Variants in USP35 observed in about 807,000 individuals in gnomAD.
USP35 encodes ubiquitin carboxyl-terminal hydrolase 35.
A neutral mutation model predicts 83.8 loss-of-function variants in USP35; 69 were observed. The observed-to-expected ratio is 0.82, with a 90% CI of 0.68 to 1.01. The LOEUF is 1.01. Ranked by LOEUF, USP35 falls within the 50% of genes least tolerant of loss-of-function variation. The pLI is 0.00. For synonymous variants in USP35, 714 were observed against 589.5 expected (o/e 1.21, Z -3.06); for missense variants, 1,503 against 1,362.5 (o/e 1.10, Z -1.62).
chr11:78,220,981 TAGCTCCTCC>T, the USP35 span, among the ~76,000 whole-genome samples: 1 of 152,196 alleles, frequency 6.6e-6, no homozygotes, highest in South Asian at 2.1e-4. Flanking sequence ...CTCCCCCGCC[TAGCTCCTCC>T]AAGATCTGAA....
rs768266853 is a variant in USP35 at position 78,199,694 on chromosome 11, G to A, written c.906G>A (p.Leu302=). The change falls in exon 4 of 11, where the codon TTG becomes TTA. Residue 302 remains leucine (L), a synonymous_variant. Coordinates refer to ENST00000529308, the MANE Select transcript of USP35 (RefSeq NM_020798.4). ...CTGCTGTTAAGAAGTTCAGCATCTT[G>A]ATCGAGGTTTCGCTCACCAAAATTG... The part of the protein sequence containing the change: ...GLAAVKKFSI[L]IEVSLTKIEK... The A allele has an allele frequency of 2.5e-6, 4 of 1,614,224 alleles. No homozygotes were observed. Among genetic ancestry groups the A allele is most frequent in the Non-Finnish European group, 3.4e-6 (4 of 1,180,030 alleles).
chr11:78,231,594 C>T, the USP35 span, among the ~76,000 whole-genome samples: 3 of 152,152 alleles, frequency 2.0e-5, no homozygotes, highest in Admixed American at 6.5e-5. Flanking sequence ...GTGGTCTGCC[C>T]GCCTCAGCCT....
Position 78,214,544 on chromosome 11 carries a change from T to C in USP35, c.*731T>C, listed in dbSNP as rs934788350. On this transcript the variant is annotated 3_prime_UTR_variant, in exon 11 of 11. Coordinates refer to ENST00000529308, the MANE Select transcript of USP35 (RefSeq NM_020798.4). ...ATGTTCCTTGTGAAGTGTGGGCTCT[T>C]AGGAAGCCTGTGGGCTCCTCTGAGC... is the stretch of plus-strand genomic sequence containing the variant. The C allele has an allele frequency of 1.3e-5, 2 of 150,042 alleles. No homozygotes were observed. Among genetic ancestry groups the C allele is most frequent in the Non-Finnish European group, 2.9e-5 (2 of 67,936 alleles). The allele number at this position is 150,042 out of a possible 1,614,324, so 9.3% of individuals were successfully genotyped here.
At chr11:78,226,760 C>T in the USP35 span, 1 of 1,614,090 alleles carries the variant, frequency 6.2e-7, no homozygotes, top group South Asian at 1.1e-5. Context: ...CCCCGAACTC[C>T]CTGCACAGGG....
the USP35 span, among the ~76,000 whole-genome samples, chr11:78,232,878 A>G: frequency 6.6e-6 from 1 of 152,196 alleles, no homozygotes; most frequent in Non-Finnish European, 1.5e-5. Context: ...ATAATCTTAC[A>G]GGATTACTTT....
In USP35 at chr11:78,214,809, G is replaced by C. The variant is rs2512522; in HGVS notation, c.*996G>C. The C allele has an allele frequency of 0.2, 30,068 of 152,018 alleles. 3,207 individuals are homozygous for C. The highest frequency in any genetic ancestry group is 0.4 in the East Asian group (2,061 of 5,170). 9.4% of individuals were successfully genotyped at this position (152,018 alleles called of 1,614,324 possible). A position where few individuals can be genotyped will look rare whatever the true frequency, so the allele number is the denominator to read the frequency against. On this transcript the variant is annotated 3_prime_UTR_variant, in exon 11 of 11. Transcript: ENST00000529308. Reference sequence around the variant, plus strand: ...CTCAGCCTGCCCCCCAGTGACGTGTGAGATGCCACAGGGAGCCAAGAGCCC... The same window carrying C: ...CTCAGCCTGCCCCCCAGTGACGTGTCAGATGCCACAGGGAGCCAAGAGCCC...
chr11:78,221,733 TGGA>T, the USP35 span: 1 of 1,613,508 alleles, frequency 6.2e-7, no homozygotes, highest in Non-Finnish European at 8.5e-7. Flanking sequence ...ATGCTCTGGG[TGGA>T]GATGGGGCGG....
rs762374125 is a variant in USP35, at chr11:78,207,592, A to G, written c.1454A>G (p.Gln485Arg). The G allele has an allele frequency of 1.9e-6, 3 of 1,614,138 alleles. No individual in the cohort carries two copies. The highest frequency in any genetic ancestry group is 1.7e-6 in the Non-Finnish European group (2 of 1,180,012). The change falls in exon 8 of 11, where the codon CAG (glutamine) becomes CGG (arginine). Residue 485 changes from glutamine to arginine, a missense_variant. By Grantham distance (43) the Gln-to-Arg change is conservative. Transcript: ENST00000529308. ...TCACAGCCCCTGATGACCAAGCTGCAGTGGCTCTTTGGCTTCCTAGAACAC... is the reference window on the plus strand; with the variant it reads ...TCACAGCCCCTGATGACCAAGCTGCGGTGGCTCTTTGGCTTCCTAGAACAC... ...NNSQPLMTKL[Q>R]WLFGFLEHSQ...
chr11:78,227,189 T>C, the USP35 span: 2 of 643,582 alleles, frequency 3.1e-6, no homozygotes, highest in African/African-American at 1.8e-5. Flanking sequence ...TTGAAGGTTG[T>C]TCAGACTCTA....
At chr11:78,205,813 T>C (rs1565399875) in intron 6 of USP35, 29 bp from the exon 7 acceptor site, 1 of 1,587,260 alleles carries the variant, frequency 6.3e-7, no homozygotes, top group Non-Finnish European at 8.6e-7. Context: ...GTGCCCACCA[T>C]CCTGCCTGCC....
Position 78,196,497 on chromosome 11 carries a change from C to T in USP35, c.252C>T (p.Arg84=). The change falls in exon 2 of 11, where the codon CGC becomes CGT. Residue 84 remains arginine, a synonymous_variant. Transcript: ENST00000529308. The surrounding 1 kb of genome is among the most constrained non-coding windows in gnomAD (Gnocchi z 4.8). The part of the protein sequence containing the change: ...DVFAEFFSAR[R]VLRLLQGGAG... ...TCGCCGAGTTCTTCAGCGCGCGTCG[C>T]GTGCTGCGCCTGCTGCAGGGTGGCG... is the stretch of plus-strand genomic sequence containing the variant. 1.6e-6 allele frequency: 2 copies of T among 1,226,498 alleles called. No individual in the cohort carries two copies. Among genetic ancestry groups the T allele is most frequent in the South Asian group, 2.4e-5 (1 of 41,960 alleles). The allele number at this position is 1,226,498 out of a possible 1,614,324, so 76.0% of individuals were successfully genotyped here.
At chr11:78,222,184 G>A in the USP35 span, 4 of 1,613,030 alleles carry the variant, frequency 2.5e-6, no homozygotes, top group African/African-American at 4.0e-5. Flanking sequence ...AGGTCAAGTG[G>A]TGTTGGCTTT....
chr11:78,189,106 C>T lies in USP35; in HGVS notation c.-62C>T, dbSNP rs1862920360. The T allele has an allele frequency of 2.7e-6, 1 of 369,324 alleles. No individual in the cohort carries two copies. Among genetic ancestry groups the T allele is most frequent in the Non-Finnish European group, 3.7e-6 (1 of 266,822 alleles). The allele number at this position is 369,324 out of a possible 1,614,324, so 22.9% of individuals were successfully genotyped here. A position where few individuals can be genotyped will look rare whatever the true frequency, so the allele number is the denominator to read the frequency against. On this transcript the variant is annotated 5_prime_UTR_variant, in exon 1 of 11. Coordinates refer to ENST00000529308, the MANE Select transcript of USP35 (RefSeq NM_020798.4). ...TAGCCGGGCCCAGCCTCGTCCTGCC[C>T]GGCCTGAGCGCCCCGCCCAGCAGCC...
At chr11:78,207,443 G>C in intron 7 of USP35, 87 bp from the exon 8 acceptor site, 2 of 1,355,600 alleles carry the variant, frequency 1.5e-6, no homozygotes, top group Non-Finnish European at 2.1e-6. Flanking sequence ...CTTTGGCCTA[G>C]AGGCTCTGGG....
chr11:78,231,325 C>G, the USP35 span, among the ~76,000 whole-genome samples: 1 of 117,274 alleles, frequency 8.5e-6, no homozygotes, highest in South Asian at 2.7e-4. Flanking sequence ...GGTGCGCGCG[C>G]GCGCGTGTGT....
chr11:78,232,061 T>A, the USP35 span: 1 of 152,242 alleles, frequency 6.6e-6, no homozygotes, highest in African/African-American at 2.4e-5. Context: ...TGAGCCAATT[T>A]TGGCAGGACT....
intron 10 of USP35, among the ~76,000 whole-genome samples, chr11:78,211,090 C>T (rs2134418005): frequency 6.6e-6 from 1 of 152,056 alleles, no homozygotes; most frequent in African/African-American, 2.4e-5. Flanking sequence ...TGAAGCTCGC[C>T]CTCCCCCGCC....
the USP35 span, among the ~76,000 whole-genome samples, chr11:78,235,278 G>A: frequency 2.0e-5 from 3 of 151,822 alleles, no homozygotes; most frequent in South Asian, 2.1e-4. Context: ...TCAGTCTCCC[G>A]AGTAGCTGGG....
chr11:78,222,855 T>TTACAGGCG, the USP35 span, among the ~76,000 whole-genome samples: 2 of 152,212 alleles, frequency 1.3e-5, no homozygotes, highest in South Asian at 2.1e-4. Context: ...AGTGTTGGGG[T>TTACAGGCG]TACAGGCGTA....
Sources: gnomAD v4.1 joint callset for allele counts (sites outside exome capture counted in the v4.1 genomes callset) on GRCh38, gnomAD v4.1.1 for gene constraint, Gnocchi (gnomAD v3.1) non-coding constraint, MANE v1.5 for transcripts, NCBI Gene and HGNC (gene_info 2026-07-23, HGNC 2026-07-21) for gene names.